Variants in PDE1C observed in about 807,000 individuals in gnomAD.
PDE1C encodes the protein phosphodiesterase 1C, also known as dual specificity calcium/calmodulin-dependent 3',5'-cyclic nucleotide phosphodiesterase 1C.
In PDE1C, 62 loss-of-function variants were observed where a neutral mutation model predicts 93.1. The observed-to-expected ratio is 0.67, with a 90% CI of 0.54 to 0.82. The LOEUF is 0.82. Ranked by LOEUF, PDE1C falls within the 40% of genes least tolerant of loss-of-function variation. The pLI is 0.00. For missense variants in PDE1C, 742 were observed against 884.6 expected (o/e 0.84, Z 2.04); for synonymous variants, 325 against 310.1 (o/e 1.05, Z -0.50).
intron 2 of PDE1C, among the ~76,000 whole-genome samples, chr7:31,977,133 C>T (rs1391124460): frequency 1.3e-5 from 2 of 152,172 alleles, no homozygotes; most frequent in Non-Finnish European, 2.9e-5. Context: ...TATGTTGGAA[C>T]AATCCTCAAA....
intron 1 of PDE1C, among the ~76,000 whole-genome samples, chr7:32,379,807 G>A (rs949730359): frequency 4.6e-5 from 7 of 152,102 alleles, no homozygotes; most frequent in African/African-American, 9.7e-5. Context: ...AGCTATAAAC[G>A]GCACTTAGCA....
At chr7:31,772,660 C>T (rs2128625526) in intron 17 of PDE1C, among the ~76,000 whole-genome samples, 1 of 152,260 alleles carries the variant, frequency 6.6e-6, no homozygotes, top group Middle Eastern at 3.4e-3. Context: ...ACCATCTTGA[C>T]CGGAATTCAC....
chr7:31,949,559 G>A (rs982433780), intron 2 of PDE1C, among the ~76,000 whole-genome samples: 2 of 152,274 alleles, frequency 1.3e-5, no homozygotes, highest in African/African-American at 4.8e-5. Context: ...AAGTCAATCA[G>A]AATTGATGTG....
chr7:32,365,733 A>G (rs779230797), intron 1 of PDE1C, among the ~76,000 whole-genome samples: 2 of 152,174 alleles, frequency 1.3e-5, no homozygotes, highest in African/African-American at 4.8e-5. Flanking sequence ...GCATGCACAC[A>G]TCTCTGATCT....
At chr7:32,340,417 G>A (rs1458232963) in intron 1 of PDE1C, among the ~76,000 whole-genome samples, 1 of 152,216 alleles carries the variant, frequency 6.6e-6, no homozygotes, top group Non-Finnish European at 1.5e-5. Flanking sequence ...GACTCTCACT[G>A]TGAGGAGCAG....
chr7:32,047,031 G>GT (rs1792669382), intron 2 of PDE1C, among the ~76,000 whole-genome samples: 4 of 72,346 alleles, frequency 5.5e-5, no homozygotes, highest in African/African-American at 1.8e-4. Flanking sequence ...ACTGAAATAG[G>GT]GGTGTGTGTG....
intron 2 of PDE1C, among the ~76,000 whole-genome samples, chr7:31,989,878 C>T (rs975603477): frequency 6.6e-6 from 1 of 152,198 alleles, no homozygotes; most frequent in African/African-American, 2.4e-5. Flanking sequence ...CATCCCTCAA[C>T]TAGAAAAACA....
chr7:31,825,901 CA>C (rs1789594169), intron 12 of PDE1C, among the ~76,000 whole-genome samples: 1 of 131,054 alleles, frequency 7.6e-6, no homozygotes, highest in South Asian at 2.4e-4. Flanking sequence ...CTTTGAGGTA[CA>C]GGGGGGCACA....
At chr7:32,300,668 C>T (rs55821175), upstream of PDE1C, among the ~76,000 whole-genome samples, 6,410 of 152,268 alleles carry the variant, frequency 0.042, 279 homozygotes, top group South Asian at 0.18. Context: ...ATTGCAATCA[C>T]TAGCTGACTC....
At chr7:31,902,639 A>G (rs574260244) in intron 2 of PDE1C, among the ~76,000 whole-genome samples, 22 of 151,940 alleles carry the variant, frequency 1.4e-4, no homozygotes, top group African/African-American at 5.3e-4. Flanking sequence ...TGTTCTGGCT[A>G]TGGCAGCAAA....
At chr7:31,744,374 C>T in the PDE1C span, among the ~76,000 whole-genome samples, 4 of 152,084 alleles carry the variant, frequency 2.6e-5, no homozygotes, top group East Asian at 7.7e-4. Context: ...AAATGGTATA[C>T]TTCACAACCT....
At chr7:31,707,988 T>C in the PDE1C span, 1 of 152,250 alleles carries the variant, frequency 6.6e-6, no homozygotes, top group African/African-American at 2.4e-5. Flanking sequence ...TTAAACATGC[T>C]GTCCCAACAT....
chr7:31,923,711 C>T (rs1802950914), intron 2 of PDE1C, among the ~76,000 whole-genome samples: 1 of 152,154 alleles, frequency 6.6e-6, no homozygotes, highest in Non-Finnish European at 1.5e-5. Context: ...CACCGTGGCT[C>T]ATGCCTATAA....
rs1428658385 is a variant in PDE1C, at chr7:32,186,578, T to C, written c.137-16622A>G. On this transcript the variant is annotated intron_variant, in intron 2 of 18. Transcript: ENST00000396193. Reference sequence around the variant, plus strand: ...AGTGGTGGTGTCGCTTAAACTTGTCTTCTTCCTTTCTTTGCCTTTTTTATT... The same window carrying C: ...AGTGGTGGTGTCGCTTAAACTTGTCCTCTTCCTTTCTTTGCCTTTTTTATT... 3.9e-5 allele frequency among the ~76,000 whole-genome samples: 6 copies of C among 152,298 alleles called. No homozygotes were observed. In the East Asian group the frequency reaches 1.2e-3, roughly 29 times the overall value.
the PDE1C span, among the ~76,000 whole-genome samples, chr7:31,654,483 C>T: frequency 8.5e-5 from 13 of 152,286 alleles, no homozygotes; most frequent in African/African-American, 2.4e-4. Context: ...ATCTGATTTA[C>T]GTTTTGAAGT....
intron 2 of PDE1C, among the ~76,000 whole-genome samples, chr7:32,183,096 A>G (rs1803558793): frequency 6.6e-6 from 1 of 152,186 alleles, no homozygotes; most frequent in South Asian, 2.1e-4. Flanking sequence ...CTTATAAGGG[A>G]CATGAAGGAC....
chr7:31,731,135 T>A, the PDE1C span, among the ~76,000 whole-genome samples: 447 of 152,076 alleles, frequency 2.9e-3, no homozygotes, highest in African/African-American at 0.01. Flanking sequence ...GCCGTGTGAC[T>A]TCTGTTGCAG....
intron 2 of PDE1C, among the ~76,000 whole-genome samples, chr7:31,973,676 GAGGCTAAATAACAAACTGAGACCCAGAA>G (rs1439790138): frequency 3.9e-5 from 6 of 152,164 alleles, no homozygotes; most frequent in African/African-American, 1.4e-4. Context: ...GAGACCCAGA[GAGGCTAAATAACAAACTGAGACCCAGAA>G]AGGCTAAATA....
intron 1 of PDE1C, among the ~76,000 whole-genome samples, chr7:32,421,926 G>A (rs1020975790): frequency 6.6e-6 from 1 of 152,174 alleles, no homozygotes; most frequent in Non-Finnish European, 1.5e-5. Context: ...ACTTGATTCT[G>A]CCCCAAATTG....
Sources: gnomAD v4.1 joint callset for allele counts (sites outside exome capture counted in the v4.1 genomes callset) on GRCh38, gnomAD v4.1.1 for gene constraint, MANE v1.5 for transcripts, NCBI Gene and HGNC (gene_info 2026-07-23, HGNC 2026-07-21) for gene names.